Variants in ABR observed in about 807,000 individuals in gnomAD.
ABR encodes the protein ABR activator of RhoGEF and GTPase.
Under a neutral mutation model 107.2 loss-of-function variants are expected in ABR, and 35 were observed. The observed-to-expected ratio is 0.33, with a 90% CI of 0.25 to 0.43. ABR has a LOEUF of 0.43. Among genes scored for constraint, ABR ranks in the 20% least tolerant of loss-of-function variants. The pLI, the probability that ABR is intolerant of heterozygous loss-of-function variation, is 1.00. For synonymous variants in ABR, 498 were observed against 462.0 expected (o/e 1.08, Z -1.00); for missense variants, 815 against 1,115.2 (o/e 0.73, Z 3.83).
At chr17:1,121,122 G>T (rs61407298) in intron 2 of ABR, among the ~76,000 whole-genome samples, 5 of 152,202 alleles carry the variant, frequency 3.3e-5, no homozygotes, top group African/African-American at 1.2e-4. Context: ...ACTTGGGCAG[G>T]GTTTATGGGG....
intron 4 of ABR, chr17:1,083,894 A>T: frequency 2.4e-6 from 1 of 416,956 alleles, no homozygotes; most frequent in Non-Finnish European, 4.4e-6. Context: ...TTGGCCTGCT[A>T]GAAATTCAAC....
chr17:1,196,709 T>C (rs77593429), intron 1 of ABR, among the ~76,000 whole-genome samples: 2 of 151,496 alleles, frequency 1.3e-5, no homozygotes, highest in Non-Finnish European at 2.9e-5. Flanking sequence ...TTTTTTTTTT[T>C]TTTGAGACGG....
chr17:1,195,542 C>T (rs966694798), intron 1 of ABR, among the ~76,000 whole-genome samples: 18 of 151,978 alleles, frequency 1.2e-4, no homozygotes, highest in African/African-American at 3.6e-4. Context: ...CAGTGGCTCA[C>T]GCCTGTCATC....
intron 6 of ABR, among the ~76,000 whole-genome samples, chr17:1,074,243 C>T: frequency 6.7e-6 from 1 of 149,516 alleles, no homozygotes; most frequent in Non-Finnish European, 1.5e-5. Flanking sequence ...CCCAGCCACG[C>T]CCCGTAGAGT....
At chr17:1,021,658 G>C (rs555264653) in intron 16 of ABR, among the ~76,000 whole-genome samples, 23 of 151,718 alleles carry the variant, frequency 1.5e-4, no homozygotes, top group African/African-American at 5.1e-4. Flanking sequence ...ACAAAAATTA[G>C]CCAGGCGTGG....
intron 6 of ABR, 65 bp downstream of exon 6, chr17:1,079,265 C>A: frequency 6.3e-7 from 1 of 1,577,960 alleles, no homozygotes; most frequent in Non-Finnish European, 8.6e-7. Flanking sequence ...CGCGTTCACG[C>A]AGCCTGTTGC....
chr17:1,108,814 C>CCTCGGGGA, intron 2 of ABR: 1 of 1,227,440 alleles, frequency 8.1e-7, no homozygotes, highest in East Asian at 3.1e-5. Context: ...GGGCCGGGAC[C>CCTCGGGGA]CTCCGCCGAG....
chr17:1,052,087 A>AAAAAAC, intron 14 of ABR, among the ~76,000 whole-genome samples: 1 of 150,924 alleles, frequency 6.6e-6, no homozygotes. Context: ...AAAAAAAACC[A>AAAAAAC]AAAAAACCAG....
intron 6 of ABR, among the ~76,000 whole-genome samples, chr17:1,074,412 C>G (rs2035533449): frequency 6.6e-6 from 1 of 151,192 alleles, no homozygotes; most frequent in Non-Finnish European, 1.5e-5. Flanking sequence ...ACGCAGAACC[C>G]CAGAATCACA....
In ABR at chr17:1,084,967, T is replaced by C. The variant is rs2036495872; in HGVS notation, c.532-1340A>G. On this transcript the variant is annotated intron_variant, in intron 4 of 22. Transcript: ENST00000302538. The surrounding 1 kb of genome is among the most constrained non-coding windows in gnomAD (Gnocchi z 4.2). ...ACAGGCGCCCGCCACCACGCCTGGC[T>C]AATCTTGTATTTTTAGTAGAGACGG... is the stretch of plus-strand genomic sequence containing the variant. 6.6e-6 allele frequency among the ~76,000 whole-genome samples: 1 copy of C among 151,670 alleles called. No homozygotes were observed. The highest frequency in any genetic ancestry group is 1.9e-4 in the East Asian group (1 of 5,174).
chr17:1,179,027 G>A lies in ABR; in HGVS notation c.61+640C>T, dbSNP rs1369927205. Among the ~76,000 whole-genome samples, 1 of 151,760 alleles carries A rather than the reference G, an allele frequency of 6.6e-6. No individual in the cohort carries two copies. Among genetic ancestry groups the A allele is most frequent in the Non-Finnish European group, 1.5e-5 (1 of 67,904 alleles). Reference sequence around the variant, plus strand: ...TTGTTTTTTTTTTCTTCTGAGGGTGGTGGTGATGATGAGGGTGGGGGTGGT... The same window carrying A: ...TTGTTTTTTTTTTCTTCTGAGGGTGATGGTGATGATGAGGGTGGGGGTGGT... On this transcript the variant is annotated intron_variant, in intron 1 of 22. Coordinates refer to ENST00000302538, the MANE Select transcript of ABR (RefSeq NM_021962.5). The surrounding 1 kb of genome is among the most constrained non-coding windows in gnomAD (Gnocchi z 4.9).
At chr17:1,164,701 C>G (rs1362551836) in intron 1 of ABR, among the ~76,000 whole-genome samples, 1 of 152,176 alleles carries the variant, frequency 6.6e-6, no homozygotes. Flanking sequence ...GGGTCTCACT[C>G]TGTTGCCCAG....
intron 1 of ABR, among the ~76,000 whole-genome samples, chr17:1,164,562 G>C (rs960484976): frequency 6.6e-6 from 1 of 151,236 alleles, no homozygotes; most frequent in South Asian, 2.1e-4. Context: ...CAACAGACAA[G>C]CTTTCGGTCT....
chr17:1,191,866 A>G (rs962566017), upstream of ABR, among the ~76,000 whole-genome samples: 8 of 152,188 alleles, frequency 5.3e-5, no homozygotes, highest in Non-Finnish European at 1.2e-4. Context: ...GGAGCCACAC[A>G]TGAGCCCCTC....
chr17:1,005,342 C>G lies in ABR; in HGVS notation c.*738G>C. 2.5e-6 allele frequency: 1 copy of G among 394,508 alleles called. No homozygotes were observed. The highest frequency in any genetic ancestry group is 3.6e-5 in the East Asian group (1 of 27,880). 24.4% of individuals were successfully genotyped at this position (394,508 alleles called of 1,614,324 possible). On this transcript the variant is annotated 3_prime_UTR_variant, in exon 23 of 23. Coordinates refer to ENST00000302538, the MANE Select transcript of ABR (RefSeq NM_021962.5). Reference sequence around the variant, plus strand: ...AGTGGAGATTCCCAAACGGAAAATTCCAGAAATGGGCGCTCCAGCTCTGTG... The same window carrying G: ...AGTGGAGATTCCCAAACGGAAAATTGCAGAAATGGGCGCTCCAGCTCTGTG...
intron 4 of ABR, among the ~76,000 whole-genome samples, chr17:1,086,081 G>A (rs976761120): frequency 1.3e-5 from 2 of 152,170 alleles, no homozygotes; most frequent in African/African-American, 4.8e-5. Context: ...AGGAGGTGGA[G>A]GTTGCAGTGA....
At position 1,196,987 on chromosome 17, in the gene ABR, C is replaced by T. The variant is rs573103963; in HGVS notation, c.838+31806G>A. Among the ~76,000 whole-genome samples, 3 of 151,846 alleles carry T rather than the reference C, an allele frequency of 2.0e-5. No individual in the cohort carries two copies. In the East Asian group the frequency reaches 5.8e-4, roughly 29 times the overall value. On this transcript the variant is annotated intron_variant, in intron 1 of 22. Coordinates refer to the ABR transcript ENST00000574139. The stretch of plus-strand genomic sequence containing the variant: ...GGGATGACAGGCGTGAGCCACCGCA[C>T]CCGGCCAAGATCCGCCTTCCTAAGG...
In ABR at chr17:1,070,165, CG is replaced by C. The variant is rs1567697905; in HGVS notation, c.895-76del. 1.3e-6 allele frequency: 2 copies of C among 1,583,802 alleles called. No individual in the cohort carries two copies. Among genetic ancestry groups the C allele is most frequent in the African/African-American group, 2.7e-5 (2 of 74,360 alleles). On this transcript the variant is annotated intron_variant, in intron 8 of 22. Transcript: ENST00000302538. The surrounding 1 kb of genome is among the most constrained non-coding windows in gnomAD (Gnocchi z 4.2). ...AGGGCAGAGCCTGCACACGGGGGCACGGCCAGCCAGGGAGGACTGGACCGAG... is the reference window on the plus strand; with the variant it reads ...AGGGCAGAGCCTGCACACGGGGGCACGCCAGCCAGGGAGGACTGGACCGAG...
At chr17:1,205,985 G>A (rs4968179) in intron 1 of ABR, among the ~76,000 whole-genome samples, 50,171 of 150,864 alleles carry the variant, frequency 0.33, 9,226 homozygotes, top group East Asian at 0.68. Flanking sequence ...GCGTGGTGGC[G>A]CGCACCTGTA....
Sources: allele counts gnomAD v4.1 joint callset (sites outside exome capture counted in the v4.1 genomes callset), GRCh38; gene constraint gnomAD v4.1.1; non-coding constraint Gnocchi (gnomAD v3.1); transcripts MANE v1.5; gene names NCBI Gene and HGNC (gene_info 2026-07-23, HGNC 2026-07-21).